RIF1: variants seen among roughly 807,000 people sequenced by gnomAD.
The protein encoded by RIF1 is replication timing regulatory factor 1, also known as telomere-associated protein RIF1.
RIF1 carries 45 observed loss-of-function variants against 247.1 expected under a neutral mutation model. The ratio of observed to expected loss-of-function variants is 0.18; its 90% CI spans 0.14 to 0.23. The LOEUF is 0.23. RIF1 is among the 10% of genes least tolerant of loss of function. The pLI, the probability that RIF1 is intolerant of heterozygous loss-of-function variation, is 1.00. For synonymous variants in RIF1, 1,087 were observed against 978.8 expected (o/e 1.11, Z -2.06); for missense variants, 2,967 against 2,862.5 (o/e 1.04, Z -0.83).
intron 34 of RIF1, among the ~76,000 whole-genome samples, chr2:151,472,202 A>G (rs1375301381): frequency 2.0e-5 from 3 of 152,062 alleles, no homozygotes; most frequent in East Asian, 3.9e-4. Context: ...AATGCTTGTG[A>G]TTTTTGCACA....
chr2:151,466,615 A>G (rs1476592420), intron 30 of RIF1, among the ~76,000 whole-genome samples: 2 of 151,972 alleles, frequency 1.3e-5, no homozygotes, highest in East Asian at 3.9e-4. Context: ...TTATATCCCC[A>G]TTTCCTCAGC....
rs1434828569 is a variant in RIF1, at chr2:151,480,725, T to C, written c.*5654T>C. The C allele has an allele frequency of 3.9e-5, 6 of 152,204 alleles. No homozygotes were observed. The East Asian group carries it at 7.7e-4, about 19-fold the overall frequency. The allele number at this position is 152,204 out of a possible 1,614,324, so 9.4% of individuals were successfully genotyped here. A position where few individuals can be genotyped will look rare whatever the true frequency, so the allele number is the denominator to read the frequency against. ...AAAATAGAGTATAGTCTAACAATTA[T>C]TTTGATACACTATTGAATAGCTAAC... On this transcript the variant is annotated 3_prime_UTR_variant, in exon 36 of 36. Coordinates refer to ENST00000444746, the MANE Select transcript of RIF1 (RefSeq NM_018151.5).
At chr2:151,518,910 A>G in the RIF1 span, 28 of 1,235,620 alleles carry the variant, frequency 2.3e-5, no homozygotes, top group Non-Finnish European at 3.2e-5. Context: ...CTCAGAAAGA[A>G]TTTAGTTCCA....
At chr2:151,512,339 CTTTTT>C (rs943434444), downstream of RIF1, among the ~76,000 whole-genome samples, 1 of 148,562 alleles carries the variant, frequency 6.7e-6, no homozygotes, top group African/African-American at 2.5e-5. Context: ...GGGCTTCTCT[CTTTTT>C]TTTTTAAGAG....
chr2:151,436,268 C>T (rs1046997328), intron 11 of RIF1, among the ~76,000 whole-genome samples: 3 of 151,960 alleles, frequency 2.0e-5, no homozygotes, highest in Admixed American at 6.6e-5. Flanking sequence ...CAGCCAGGTG[C>T]AGTGGCAGGC....
At chr2:151,471,351 T>C (rs1355917281) in intron 34 of RIF1, among the ~76,000 whole-genome samples, 1 of 152,222 alleles carries the variant, frequency 6.6e-6, no homozygotes, top group African/African-American at 2.4e-5. Context: ...TTTCTTTTGC[T>C]GTGCAGAAGC....
chr2:151,500,787 T>G (rs1460125057), intron 11 of RIF1, among the ~76,000 whole-genome samples: 8 of 152,052 alleles, frequency 5.3e-5, no homozygotes. Flanking sequence ...TTAGCAGAGA[T>G]GGAATTTCAC....
chr2:151,471,236 G>A lies in RIF1; in HGVS notation c.7095+1372G>A, dbSNP rs181411871. On this transcript the variant is annotated intron_variant, in intron 34 of 35. Coordinates refer to ENST00000444746, the MANE Select transcript of RIF1 (RefSeq NM_018151.5). ...TTATCCTCAAAAATTTCCGTTTTGA[G>A]GTTGAATAATTCTTTGTAGATTCTG... 3.3e-3 allele frequency among the ~76,000 whole-genome samples: 497 copies of A among 152,144 alleles called. 4 individuals carry two copies. The highest frequency in any genetic ancestry group is 0.011 in the African/African-American group (471 of 41,540).
chr2:151,423,060 G>A lies in RIF1; in HGVS notation c.786+18G>A. The A allele has an allele frequency of 7.4e-7, 1 of 1,348,802 alleles. No homozygotes were observed. Among genetic ancestry groups the A allele is most frequent in the Non-Finnish European group, 1.1e-6 (1 of 943,016 alleles). 83.6% of individuals were successfully genotyped at this position (1,348,802 alleles called of 1,614,324 possible). A position where few individuals can be genotyped will look rare whatever the true frequency, so the allele number is the denominator to read the frequency against. ...TTGGAAGGGTAAGTGCCCAGTTAATGAACAGTCAACAGTTTTTACATGCTG... is the reference window on the plus strand; with the variant it reads ...TTGGAAGGGTAAGTGCCCAGTTAATAAACAGTCAACAGTTTTTACATGCTG... On this transcript the variant is annotated intron_variant, in intron 8 of 35. Transcript: ENST00000444746.
the RIF1 span, chr2:151,526,987 A>G: frequency 6.2e-7 from 1 of 1,603,142 alleles, no homozygotes; most frequent in Admixed American, 1.7e-5. Flanking sequence ...AAAGCTTGCA[A>G]CCCTTGAGGA....
At chr2:151,471,281 A>T (rs957525210) in intron 34 of RIF1, among the ~76,000 whole-genome samples, 4 of 152,194 alleles carry the variant, frequency 2.6e-5, no homozygotes, top group African/African-American at 7.2e-5. Context: ...CTTTTGTCAG[A>T]TGAGAAGATT....
intron 31 of RIF1, 133 bp from the exon 32 acceptor site, chr2:151,468,341 G>A (rs887765033): frequency 2.4e-6 from 2 of 834,286 alleles, no homozygotes; most frequent in African/African-American, 3.4e-5. Context: ...GCAAGTAATT[G>A]ATTAGGTAGT....
rs377088194 is a variant in RIF1 at position 151,471,363 on chromosome 2, CTTTAG to C, written c.7095+1507_7095+1511del. On this transcript the variant is annotated intron_variant, in intron 34 of 35. Coordinates refer to ENST00000444746, the MANE Select transcript of RIF1 (RefSeq NM_018151.5). ...TAGTTTCTTTTGCTGTGCAGAAGCT[CTTTAG>C]TTTAGTTAGATCCCATTTGTCAATT... is the stretch of plus-strand genomic sequence containing the variant. Among the ~76,000 whole-genome samples, 944 of 152,274 alleles carry C rather than the reference CTTTAG, an allele frequency of 6.2e-3. 9 individuals are homozygous for C. Among genetic ancestry groups the C allele is most frequent in the Middle Eastern group, 0.01 (3 of 294 alleles).
At chr2:151,526,174 C>G in the RIF1 span, 5 of 1,613,788 alleles carry the variant, frequency 3.1e-6, no homozygotes, top group Middle Eastern at 1.6e-4. Flanking sequence ...CACCAGGTTG[C>G]TGACAGTCTT....
intron 20 of RIF1, among the ~76,000 whole-genome samples, chr2:151,447,350 T>C (rs1693497746): frequency 6.6e-6 from 1 of 152,232 alleles, no homozygotes; most frequent in African/African-American, 2.4e-5. Flanking sequence ...ATATTGATCC[T>C]TGCATATGCA....
At chr2:151,533,439 T>C in the RIF1 span, 107 of 1,542,174 alleles carry the variant, frequency 6.9e-5, 1 homozygote, top group East Asian at 1.9e-3. Context: ...CATCAGACAT[T>C]ACCTGGCTCC....
intron 30 of RIF1, among the ~76,000 whole-genome samples, 153 bp downstream of exon 30, chr2:151,466,273 A>T (rs528422621): frequency 3.9e-5 from 6 of 152,332 alleles, no homozygotes; most frequent in Admixed American, 2.0e-4. Context: ...AGGTAGGTAG[A>T]AGAAAAGGTT....
At position 151,465,813 on chromosome 2, in the gene RIF1, T is replaced by C; in HGVS notation, c.6293T>C (p.Leu2098Ser). 1 of 1,613,216 alleles carries C rather than the reference T, an allele frequency of 6.2e-7. No homozygotes were observed. The highest frequency in any genetic ancestry group is 8.5e-7 in the Non-Finnish European group (1 of 1,179,202). Residue 2098 changes from leucine to serine, a missense_variant, in exon 30 of 36, where the codon TTA (leucine) becomes TCA (serine). Around this residue, in one of 7 missense-constraint regions of RIF1, gnomAD observed 2,028 missense variants for 1,825.6 expected, o/e 1.11. Transcript: ENST00000444746. ...GAGTATAGTAAATCTGAAGAAAAAT[T>C]AGATAACAATCAAATGGTAATGGAA... ...NTEYSKSEEKLDNNQMVMESD... is the reference protein window; with the variant it reads ...NTEYSKSEEKSDNNQMVMESD...
chr2:151,478,110 A>G lies in RIF1; in HGVS notation c.*3039A>G, dbSNP rs1453991995. The G allele has an allele frequency of 6.6e-6, 1 of 152,218 alleles. No homozygotes were observed. The highest frequency in any genetic ancestry group is 2.4e-5 in the African/African-American group (1 of 41,444). 9.4% of individuals were successfully genotyped at this position (152,218 alleles called of 1,614,324 possible). A position where few individuals can be genotyped will look rare whatever the true frequency, so the allele number is the denominator to read the frequency against. On this transcript the variant is annotated 3_prime_UTR_variant, in exon 36 of 36. Coordinates refer to ENST00000444746, the MANE Select transcript of RIF1 (RefSeq NM_018151.5). Reference sequence around the variant, plus strand: ...GTTAAAGCTGCTTTGCCACTTGTACAAGTTTGAAAACCATTGTTGAATCAT... The same window carrying G: ...GTTAAAGCTGCTTTGCCACTTGTACGAGTTTGAAAACCATTGTTGAATCAT...
Sources: allele counts gnomAD v4.1 joint callset (sites outside exome capture counted in the v4.1 genomes callset), GRCh38; gene constraint gnomAD v4.1.1; regional missense constraint gnomAD v4.1.1; transcripts MANE v1.5; gene names NCBI Gene and HGNC (gene_info 2026-07-23, HGNC 2026-07-21).